Variants in SMC1B observed in about 807,000 individuals in gnomAD.
SMC1B encodes the protein structural maintenance of chromosomes protein 1B.
In SMC1B, 60 loss-of-function variants were observed where a neutral mutation model predicts 157.9. That is an observed-to-expected ratio of 0.38 (90% CI 0.31 to 0.47). The LOEUF (loss-of-function observed/expected upper bound fraction) is 0.47. SMC1B is among the 20% of genes least tolerant of loss of function. The pLI is 0.99. For synonymous variants in SMC1B, 445 were observed against 483.0 expected (o/e 0.92, Z 1.03); for missense variants, 1,165 against 1,426.2 (o/e 0.82, Z 2.95).
chr22:45,412,452 GC>G (rs1033152347), intron 1 of SMC1B, among the ~76,000 whole-genome samples: 1 of 148,772 alleles, frequency 6.7e-6, no homozygotes, highest in African/African-American at 2.5e-5. Flanking sequence ...ACCCGCCTCG[GC>G]CTCCTAAAGT....
chr22:45,388,986 C>CAAAA (rs371475132), intron 10 of SMC1B, among the ~76,000 whole-genome samples: 4,239 of 54,248 alleles, frequency 0.078, 307 homozygotes, highest in East Asian at 0.13. Flanking sequence ...GACTCTGCCT[C>CAAAA]AAAAAAAAAA....
Position 45,344,569 on chromosome 22 carries a change from C to G in SMC1B, c.3695G>C (p.Gly1232Ala). ...GCAGGACTGCCCCTAGCGGGACTCT[C>G]CGTGTCTCTTGCTGCTTTCTTGGCC... ...TEGQESSKRHGESR is the reference protein window; with the variant it reads ...TEGQESSKRHAESR Residue 1232 changes from glycine (G) to alanine (A), a missense_variant, in exon 25 of 25, where the codon GGA becomes GCA. Transcript: ENST00000357450. 6.2e-7 allele frequency: 1 copy of G among 1,613,606 alleles called. No individual in the cohort carries two copies. The highest frequency in any genetic ancestry group is 8.5e-7 in the Non-Finnish European group (1 of 1,179,520).
chr22:45,363,939 C>G (rs958483221), intron 15 of SMC1B, among the ~76,000 whole-genome samples: 25 of 151,956 alleles, frequency 1.6e-4, no homozygotes, highest in Non-Finnish European at 3.7e-4. Flanking sequence ...ACCTCCGCCC[C>G]CTGGGTTCAA....
chr22:45,352,338 T>G, intron 22 of SMC1B, 113 bp downstream of exon 22: 1 of 970,794 alleles, frequency 1.0e-6, no homozygotes, highest in Non-Finnish European at 1.4e-6. Context: ...AGAAGATAGT[T>G]TTGTATCTCA....
intron 12 of SMC1B, among the ~76,000 whole-genome samples, chr22:45,372,499 A>G (rs2086843159): frequency 6.6e-6 from 1 of 152,172 alleles, no homozygotes; most frequent in Non-Finnish European, 1.5e-5. Flanking sequence ...AAAAAAACTA[A>G]CAGTGCTTAA....
intron 12 of SMC1B, among the ~76,000 whole-genome samples, chr22:45,381,489 A>G (rs1196581639): frequency 6.6e-6 from 1 of 152,156 alleles, no homozygotes; most frequent in Admixed American, 6.5e-5. Flanking sequence ...CGTGGGGTTC[A>G]AGACCAGGCA....
intron 19 of SMC1B, among the ~76,000 whole-genome samples, chr22:45,357,150 GT>G (rs1490343007): frequency 6.6e-6 from 1 of 152,218 alleles, no homozygotes; most frequent in Admixed American, 6.5e-5. Flanking sequence ...TGGGGTCCAA[GT>G]TTTCATTTTC....
intron 22 of SMC1B, among the ~76,000 whole-genome samples, chr22:45,351,381 G>A (rs2086613748): frequency 6.6e-6 from 1 of 152,164 alleles, no homozygotes; most frequent in Admixed American, 6.5e-5. Flanking sequence ...TTGCTCAGAT[G>A]ACTTGTTCAA....
At chr22:45,408,330 T>A (rs1366906614) in intron 2 of SMC1B, among the ~76,000 whole-genome samples, 1 of 152,154 alleles carries the variant, frequency 6.6e-6, no homozygotes. Context: ...TTTCATCGTG[T>A]TAGCCAGGAT....
At chr22:45,368,157 AG>A (rs2086793486) in intron 15 of SMC1B, among the ~76,000 whole-genome samples, 1 of 152,226 alleles carries the variant, frequency 6.6e-6, no homozygotes, top group Non-Finnish European at 1.5e-5. Flanking sequence ...TTCATATCAT[AG>A]GTATCTTAAC....
chr22:45,402,249 T>A, intron 5 of SMC1B, 84 bp downstream of exon 5: 1 of 956,528 alleles, frequency 1.0e-6, no homozygotes, highest in East Asian at 2.4e-5. Context: ...ATTTTTAAAA[T>A]CAATTTTCAA....
intron 22 of SMC1B, among the ~76,000 whole-genome samples, chr22:45,352,137 G>A (rs904674776): frequency 1.3e-5 from 2 of 151,530 alleles, no homozygotes; most frequent in African/African-American, 4.9e-5. Flanking sequence ...CTGTGGTCCT[G>A]CCTACTCAGG....
intron 4 of SMC1B, among the ~76,000 whole-genome samples, chr22:45,405,830 T>C (rs1292029271): frequency 6.6e-6 from 1 of 152,152 alleles, no homozygotes; most frequent in Non-Finnish European, 1.5e-5. Context: ...ACACATGCAC[T>C]AACAGTGTGG....
At chr22:45,405,819 G>A (rs557136084) in intron 4 of SMC1B, among the ~76,000 whole-genome samples, 4 of 152,122 alleles carry the variant, frequency 2.6e-5, no homozygotes, top group East Asian at 3.9e-4. Context: ...TCAATGTGTC[G>A]ACACATGCAC....
intron 7 of SMC1B, 104 bp from the exon 8 acceptor site, chr22:45,394,871 A>C: frequency 1.7e-6 from 2 of 1,168,990 alleles, no homozygotes; most frequent in Non-Finnish European, 2.2e-6. Context: ...TAAAATTGAA[A>C]GATATCAAAT....
Position 45,402,434 on chromosome 22 carries a change from G to A in SMC1B, c.753C>T (p.Val251=). 2 of 1,613,866 alleles carry A rather than the reference G, an allele frequency of 1.2e-6. No homozygotes were observed. Among genetic ancestry groups the A allele is most frequent in the Non-Finnish European group, 1.7e-6 (2 of 1,179,924 alleles). The change falls in exon 5 of 25, where the codon GTC becomes GTT. Residue 251 remains valine (V), a synonymous_variant. Coordinates refer to ENST00000357450, the MANE Select transcript of SMC1B (RefSeq NM_148674.5). ...KLEHVNRDLS[V]KRESLSHHEN... ...CATGATGAGACAAAGACTCTCTTTTGACACTCAAATCCCTATTCACATGCT... is the reference window on the plus strand; with the variant it reads ...CATGATGAGACAAAGACTCTCTTTTAACACTCAAATCCCTATTCACATGCT...
At chr22:45,352,327 A>G (rs1343319252) in intron 22 of SMC1B, 124 bp downstream of exon 22, 17 of 834,652 alleles carry the variant, frequency 2.0e-5, no homozygotes, top group Non-Finnish European at 2.9e-5. Flanking sequence ...TGTCTGGCTG[A>G]AGAAGATAGT....
Position 45,402,374 on chromosome 22 carries a change from T to G in SMC1B, c.813A>C (p.Gly271=), listed in dbSNP as rs1043364171. The change falls in exon 5 of 25, where the codon GGA becomes GGC. Residue 271 remains glycine, a synonymous_variant. Coordinates refer to ENST00000357450, the MANE Select transcript of SMC1B (RefSeq NM_148674.5). ...TTTGTTGTAGTTGTCTAGTTAGCATTCCATGTTCCTTTTTCCTGGCTTTAA... is the reference window on the plus strand; with the variant it reads ...TTTGTTGTAGTTGTCTAGTTAGCATGCCATGTTCCTTTTTCCTGGCTTTAA... ...NIVKARKKEH[G]MLTRQLQQTE... is the part of the protein sequence containing the mutation. 6 of 1,613,760 alleles carry G rather than the reference T, an allele frequency of 3.7e-6. No individual in the cohort carries two copies. The African/African-American group carries it at 8.0e-5, about 22-fold the overall frequency.
At chr22:45,373,034 CTCTT>C (rs910838453) in intron 12 of SMC1B, among the ~76,000 whole-genome samples, 16 of 152,106 alleles carry the variant, frequency 1.1e-4, no homozygotes, top group African/African-American at 1.4e-4. Context: ...TTCAGATAAA[CTCTT>C]TCAACCAACT....
Sources: gnomAD v4.1 joint callset for allele counts (sites outside exome capture counted in the v4.1 genomes callset) on GRCh38, gnomAD v4.1.1 for gene constraint, MANE v1.5 for transcripts, NCBI Gene and HGNC (gene_info 2026-07-23, HGNC 2026-07-21) for gene names.